DMD: variants seen among roughly 807,000 people sequenced by gnomAD.
DMD encodes dystrophin, also known as mutant dystrophin.
DMD carries 63 observed loss-of-function variants against 330.1 expected under a neutral mutation model. The ratio of observed to expected loss-of-function variants is 0.19; its 90% CI spans 0.16 to 0.24. The LOEUF is 0.24. Among genes scored for constraint, DMD ranks in the 10% least tolerant of loss-of-function variants. DMD has a pLI of 1.00. For synonymous variants in DMD, 1,223 were observed against 959.8 expected (o/e 1.27, Z -5.07); for missense variants, 3,344 against 2,684.1 (o/e 1.25, Z -5.43).
chrX:32,956,274 A>G (rs2091577227), intron 2 of DMD, among the ~76,000 whole-genome samples: 1 of 111,937 alleles, frequency 8.9e-6, no homozygotes, highest in African/African-American at 3.2e-5. Flanking sequence ...GGCCATTTTA[A>G]TGATATTGAT....
At chrX:32,231,845 C>T (rs1217952672) in intron 43 of DMD, among the ~76,000 whole-genome samples, 1 of 110,572 alleles carries the variant, frequency 9.0e-6, no homozygotes, top group Non-Finnish European at 1.9e-5. Context: ...TCAAAGGTTG[C>T]AGCATTTAAA....
intron 1 of DMD, among the ~76,000 whole-genome samples, chrX:33,028,381 C>T (rs1004963530): frequency 8.9e-6 from 1 of 111,897 alleles, no homozygotes; most frequent in Non-Finnish European, 1.9e-5. Flanking sequence ...CTTGAAAAAT[C>T]CAGAGCTTCT....
At chrX:31,530,895 A>C in intron 55 of DMD, among the ~76,000 whole-genome samples, 1 of 64,119 alleles carries the variant, frequency 1.6e-5, no homozygotes, top group Non-Finnish European at 2.7e-5. Flanking sequence ...CTCATTGTTC[A>C]ATTCCCACCT....
intron 12 of DMD, among the ~76,000 whole-genome samples, chrX:32,613,402 G>A (rs2057322924): frequency 9.1e-6 from 1 of 109,727 alleles, no homozygotes; most frequent in African/African-American, 3.3e-5. Flanking sequence ...CATAATTTTG[G>A]ATAAGAAATA....
chrX:32,494,266 A>G (rs754588144), intron 19 of DMD, among the ~76,000 whole-genome samples: 1 of 111,704 alleles, frequency 9.0e-6, no homozygotes, highest in South Asian at 3.8e-4. Context: ...AAGAAAAGTC[A>G]GCTTTGTACA....
Position 32,425,962 on chromosome X carries a change from A to G in DMD, c.4071+12279T>C, listed in dbSNP as rs139486345. 2.1e-4 allele frequency among the ~76,000 whole-genome samples: 23 copies of G among 111,956 alleles called. No homozygotes were observed. The East Asian group carries it at 5.6e-3, about 27-fold the overall frequency. On this transcript the variant is annotated intron_variant, in intron 29 of 78. Coordinates refer to ENST00000357033, the MANE Select transcript of DMD (RefSeq NM_004006.3). ...ATACAGAAGAATAAAACCTTACACC[A>G]TATACAAAAATCAACTCAAGATGAA... is the stretch of plus-strand genomic sequence containing the variant.
intron 6 of DMD, among the ~76,000 whole-genome samples, chrX:32,812,835 T>G (rs1375573328): frequency 9.0e-6 from 1 of 111,567 alleles, no homozygotes; most frequent in Admixed American, 9.6e-5. Context: ...TATAAAAAAA[T>G]TTAAAAATTG....
chrX:31,623,272 A>T (rs771336644), intron 55 of DMD, among the ~76,000 whole-genome samples: 32 of 110,716 alleles, frequency 2.9e-4, no homozygotes, highest in African/African-American at 5.6e-4. Context: ...TTTTATTTTA[A>T]TTTATTTTTT....
chrX:33,146,442 G>T (rs1473547760), intron 1 of DMD, among the ~76,000 whole-genome samples: 1 of 111,172 alleles, frequency 9.0e-6, no homozygotes, highest in Non-Finnish European at 1.9e-5. Flanking sequence ...GCTAACTCAG[G>T]GTTAGCTGCT....
intron 47 of DMD, among the ~76,000 whole-genome samples, chrX:31,885,206 A>G (rs1226341317): frequency 9.0e-6 from 1 of 111,658 alleles, no homozygotes; most frequent in Non-Finnish European, 1.9e-5. Context: ...TCATAAGGTT[A>G]CTAGTAAGTA....
At chrX:32,322,136 A>G (rs2097619732) in intron 41 of DMD, among the ~76,000 whole-genome samples, 1 of 111,552 alleles carries the variant, frequency 9.0e-6, no homozygotes, top group African/African-American at 3.3e-5. Flanking sequence ...CTATTAAGCA[A>G]TGATAAGTAC....
At chrX:32,603,898 T>C (rs867649841) in intron 12 of DMD, among the ~76,000 whole-genome samples, 1 of 111,385 alleles carries the variant, frequency 9.0e-6, no homozygotes, top group African/African-American at 3.3e-5. Context: ...ACCAGACGTA[T>C]TCACAGCCGA....
chrX:31,580,442 A>C (rs2076289674), intron 55 of DMD, among the ~76,000 whole-genome samples: 1 of 111,370 alleles, frequency 9.0e-6, no homozygotes, highest in South Asian at 3.8e-4. Context: ...CAGACACTTA[A>C]GCTCTCAGCT....
intron 49 of DMD, among the ~76,000 whole-genome samples, chrX:31,823,329 C>T (rs1267584036): frequency 8.9e-6 from 1 of 112,483 alleles, no homozygotes; most frequent in Non-Finnish European, 1.9e-5. Context: ...GGACTGAGTC[C>T]TCTATGCCTT....
chrX:33,267,408 T>A (rs2053062761), intron 1 of DMD, among the ~76,000 whole-genome samples: 1 of 110,684 alleles, frequency 9.0e-6, no homozygotes, highest in African/African-American at 3.3e-5. Context: ...ACAATATAAT[T>A]AAAATGGCTA....
intron 58 of DMD, 30 bp downstream of exon 58, chrX:31,478,953 A>G (rs377031263): frequency 1.0e-5 from 12 of 1,203,578 alleles, no homozygotes; most frequent in African/African-American, 1.8e-5. Flanking sequence ...CCTTCTATCA[A>G]TATGTTATTA....
intron 11 of DMD, among the ~76,000 whole-genome samples, chrX:32,630,423 A>G (rs1160962133): frequency 1.8e-5 from 2 of 108,917 alleles, no homozygotes; most frequent in Non-Finnish European, 3.8e-5. Flanking sequence ...TATTTATATT[A>G]TATCTCCTTG....
intron 18 of DMD, among the ~76,000 whole-genome samples, chrX:32,510,631 A>T (rs1338397640): frequency 9.0e-6 from 1 of 111,401 alleles, no homozygotes; most frequent in Non-Finnish European, 1.9e-5. Flanking sequence ...ACGCGTCCAT[A>T]TACAATATTA....
chrX:31,426,034 C>T (rs952452802), intron 60 of DMD, among the ~76,000 whole-genome samples: 3 of 111,582 alleles, frequency 2.7e-5, no homozygotes, highest in Non-Finnish European at 3.8e-5. Context: ...GCATCAGAAA[C>T]GCTGGGAGCA....
Sources: gnomAD v4.1 joint callset for allele counts (sites outside exome capture counted in the v4.1 genomes callset) on GRCh38, gnomAD v4.1.1 for gene constraint, MANE v1.5 for transcripts, NCBI Gene and HGNC (gene_info 2026-07-23, HGNC 2026-07-21) for gene names.